SYNM: variants seen among roughly 807,000 people sequenced by gnomAD.
SYNM encodes desmuslin.
A neutral mutation model predicts 104.0 loss-of-function variants in SYNM; 95 were observed. That is an observed-to-expected ratio of 0.91 (90% confidence interval 0.77 to 1.08). SYNM has a LOEUF of 1.08. SYNM is among the 50% of genes least tolerant of loss of function. The probability of loss-of-function intolerance (pLI) is 0.00; values close to 1 mark genes in which losing one functional copy is unlikely to be tolerated. For missense variants in SYNM, 2,150 were observed against 2,052.2 expected (o/e 1.05, Z -0.92); for synonymous variants, 918 against 869.0 (o/e 1.06, Z -0.99).
chr15:99,126,465 C>T (rs577737535), intron 2 of SYNM, among the ~76,000 whole-genome samples: 2 of 152,222 alleles, frequency 1.3e-5, no homozygotes, highest in Non-Finnish European at 2.9e-5. Context: ...GTTCACTGGG[C>T]TAGTAGGGGT....
intron 3 of SYNM, among the ~76,000 whole-genome samples, chr15:99,127,259 C>G (rs148186512): frequency 6.6e-6 from 1 of 152,148 alleles, no homozygotes; most frequent in African/African-American, 2.4e-5. Context: ...TTTACACCAC[C>G]CTAGGTTGTT....
rs2292288 is a variant in SYNM, at chr15:99,132,517, A to G, written c.4157A>G (p.Glu1386Gly). Reference sequence around the variant, plus strand: ...GAATCTCCCCAGGAGGATAGTGCAGAGGACACATCAGGGGCAGAAATGACA... The same window carrying G: ...GAATCTCCCCAGGAGGATAGTGCAGGGGACACATCAGGGGCAGAAATGACA... ...VSESPQEDSAEDTSGAEMTSG... is the reference protein window; with the variant it reads ...VSESPQEDSAGDTSGAEMTSG... Residue 1386 changes from glutamate (E) to glycine (G), a missense_variant, in exon 4 of 4, where the codon GAG becomes GGG. Glu to Gly is a moderately conservative substitution (Grantham distance 98). Coordinates refer to ENST00000336292, the MANE Select transcript of SYNM (RefSeq NM_145728.3). 802,108 of 1,613,774 alleles carry G rather than the reference A, an allele frequency of 0.5. 201,801 individuals are homozygous for G. The highest frequency in any genetic ancestry group is 0.63 in the East Asian group (28,190 of 44,874).
rs183213023 is a variant in SYNM at position 99,135,378 on chromosome 15, C to T, written c.*2320C>T. 150 of 152,580 alleles carry T rather than the reference C, an allele frequency of 9.8e-4. No individual in the cohort carries two copies. The highest frequency in any genetic ancestry group is 3.5e-3 in the African/African-American group (144 of 41,492). The allele number at this position is 152,580 out of a possible 1,614,324, so 9.5% of individuals were successfully genotyped here. ...AATCAACTTCGTGGTTGGATGGGGCCGGAACACAACCAGTCTTTTTGTATT... is the reference window on the plus strand; with the variant it reads ...AATCAACTTCGTGGTTGGATGGGGCTGGAACACAACCAGTCTTTTTGTATT... On this transcript the variant is annotated 3_prime_UTR_variant, in exon 4 of 4. Transcript: ENST00000336292.
chr15:99,115,475 T>C (rs1406311668), intron 2 of SYNM, among the ~76,000 whole-genome samples: 5 of 149,338 alleles, frequency 3.3e-5, no homozygotes, highest in African/African-American at 1.2e-4. Context: ...TTCTATTTTT[T>C]TTTTTTTGAG....
At chr15:99,114,615 A>G (rs377289274) in intron 2 of SYNM, among the ~76,000 whole-genome samples, 2 of 152,058 alleles carry the variant, frequency 1.3e-5, no homozygotes, top group African/African-American at 4.8e-5. Context: ...AACTGGCTTT[A>G]TGTATCAAGA....
At position 99,130,594 on chromosome 15, in the gene SYNM, A is replaced by G. The variant is rs1252482405; in HGVS notation, c.2234A>G (p.Asn745Ser). 1 of 1,613,668 alleles carries G rather than the reference A, an allele frequency of 6.2e-7. No homozygotes were observed. Among genetic ancestry groups the G allele is most frequent in the Non-Finnish European group, 8.5e-7 (1 of 1,179,798 alleles). ...KGREGRAKVVNVEIVEEPVSY... is the reference protein window; with the variant it reads ...KGREGRAKVVSVEIVEEPVSY... ...AGGGAGGGGAGAGCAAAGGTCGTCA[A>G]CGTGGAGATCGTGGAGGAGCCCGTG... is the stretch of plus-strand genomic sequence containing the variant. The change falls in exon 4 of 4, where the codon AAC becomes AGC. Residue 745 changes from asparagine (N) to serine (S), a missense_variant. By Grantham distance (46) the Asn-to-Ser change is conservative. Coordinates refer to ENST00000336292, the MANE Select transcript of SYNM (RefSeq NM_145728.3).
At chr15:99,127,859 GA>G (rs1446742494) in intron 3 of SYNM, among the ~76,000 whole-genome samples, 1 of 152,172 alleles carries the variant, frequency 6.6e-6, no homozygotes, top group African/African-American at 2.4e-5. Context: ...AACCTAGAGA[GA>G]GGGGAGAAGG....
At chr15:99,127,594 A>G (rs1329316578) in intron 3 of SYNM, among the ~76,000 whole-genome samples, 3 of 152,152 alleles carry the variant, frequency 2.0e-5, no homozygotes, top group Non-Finnish European at 2.9e-5. Flanking sequence ...GGTTGAGAAG[A>G]ATATTTGGGT....
downstream of SYNM, chr15:99,137,774 A>G: frequency 1.7e-6 from 1 of 585,076 alleles, no homozygotes; most frequent in Non-Finnish European, 2.8e-6. Flanking sequence ...TTGGCAAGAA[A>G]AACCACTTAG....
At chr15:99,139,757 T>TA (rs1555489349), downstream of SYNM, 11 of 1,313,786 alleles carry the variant, frequency 8.4e-6, no homozygotes, top group Non-Finnish European at 1.0e-5. Flanking sequence ...GGAAAAGATT[T>TA]AAAAAAATAG....
At chr15:99,138,253 TGAGAG>T (rs2067769562), downstream of SYNM, 2 of 1,116,296 alleles carry the variant, frequency 1.8e-6, no homozygotes, top group Non-Finnish European at 2.5e-6. Flanking sequence ...GGGCTATAAA[TGAGAG>T]GAGAATTGTA....
rs2067502668 is a variant in SYNM, at chr15:99,131,246, G to A, written c.2886G>A (p.Glu962=). The change falls in exon 4 of 4, where the codon GAG becomes GAA. Residue 962 remains glutamate (E), a synonymous_variant. Transcript: ENST00000336292. The surrounding 1 kb of genome is among the most constrained non-coding windows in gnomAD (Gnocchi z 4.3). ...VIGQLEETLP[E]RMREELSALT... is the part of the protein sequence containing the mutation. ...GGCAGCTGGAGGAAACCCTTCCCGA[G>A]CGCATGAGGGAGGAGCTGTCCGCCC... 6 of 1,610,078 alleles carry A rather than the reference G, an allele frequency of 3.7e-6. No homozygotes were observed. The highest frequency in any genetic ancestry group is 5.1e-6 in the Non-Finnish European group (6 of 1,178,524).
downstream of SYNM, among the ~76,000 whole-genome samples, chr15:99,138,666 A>AGAGG (rs1435143741): frequency 6.6e-6 from 1 of 152,078 alleles, no homozygotes; most frequent in African/African-American, 2.4e-5. Context: ...GAGGCCCTCA[A>AGAGG]CCCTTAGCTG....
intron 1 of SYNM, among the ~76,000 whole-genome samples, chr15:99,110,981 G>A (rs1312142480): frequency 2.6e-5 from 4 of 152,220 alleles, no homozygotes; most frequent in African/African-American, 9.6e-5. Context: ...AGCCAGTTAA[G>A]TCTTATATTC....
chr15:99,105,736 C>G lies in SYNM; in HGVS notation c.537C>G (p.Arg179=). The G allele has an allele frequency of 6.6e-7, 1 of 1,510,580 alleles. No individual in the cohort carries two copies. The highest frequency in any genetic ancestry group is 1.2e-5 in the South Asian group (1 of 80,376). The allele number at this position is 1,510,580 out of a possible 1,614,324, so 93.6% of individuals were successfully genotyped here. A position where few individuals can be genotyped will look rare whatever the true frequency, so the allele number is the denominator to read the frequency against. ...CCGGCCCCGCCGCGCCGCCGCCACG[C>G]CTGCGGGAGGTGCACGACAGCTACG... ...RATGPAAPPP[R]LREVHDSYAL... The change falls in exon 1 of 4, where the codon CGC becomes CGG. Residue 179 remains arginine, a synonymous_variant. Coordinates refer to ENST00000336292, the MANE Select transcript of SYNM (RefSeq NM_145728.3).
Position 99,130,273 on chromosome 15 carries a change from T to A in SYNM, c.1913T>A (p.Val638Glu), listed in dbSNP as rs782258168. Reference protein sequence around the residue: ...SLQGDSMTETVAENIVTSILK... With the variant: ...SLQGDSMTETEAENIVTSILK... Reference sequence around the variant, plus strand: ...CAAGGCGATTCCATGACAGAAACCGTAGCAGAAAACATCGTTACCAGTATC... The same window carrying A: ...CAAGGCGATTCCATGACAGAAACCGAAGCAGAAAACATCGTTACCAGTATC... The change falls in exon 4 of 4, where the codon GTA (valine) becomes GAA (glutamate). Residue 638 changes from valine (V) to glutamate (E), a missense_variant. By Grantham distance (121) the Val-to-Glu change is moderately radical. Transcript: ENST00000336292. The A allele has an allele frequency of 8.7e-6, 14 of 1,613,834 alleles. No individual in the cohort carries two copies. The highest frequency in any genetic ancestry group is 1.2e-5 in the Non-Finnish European group (14 of 1,179,888).
intron 3 of SYNM, 46 bp downstream of exon 3, chr15:99,126,838 GT>G (rs2067452901): frequency 6.6e-7 from 1 of 1,511,938 alleles, no homozygotes; most frequent in Non-Finnish European, 8.9e-7. Context: ...CATCTGAACT[GT>G]TTATTCTGTG....
intron 1 of SYNM, among the ~76,000 whole-genome samples, chr15:99,112,885 AT>A (rs2067312888): frequency 6.6e-6 from 1 of 151,660 alleles, no homozygotes; most frequent in East Asian, 1.9e-4. Flanking sequence ...TATTTTTTGT[AT>A]TTTCAGTAGA....
At position 99,132,685 on chromosome 15, in the gene SYNM, C is replaced by T; in HGVS notation, c.4325C>T (p.Ala1442Val). The change falls in exon 4 of 4, where the codon GCA becomes GTA. Residue 1442 changes from alanine to valine, a missense_variant. Physicochemically the swap from Ala to Val is moderately conservative, Grantham distance 64 (BLOSUM62 0). Transcript: ENST00000336292. ...SADSPELGKL[A>V]DSSRTLRHIA... Reference sequence around the variant, plus strand: ...GACTCCCCTGAGCTAGGCAAGTTAGCAGACAGCAGCAGAACGCTAAGGCAC... The same window carrying T: ...GACTCCCCTGAGCTAGGCAAGTTAGTAGACAGCAGCAGAACGCTAAGGCAC... 2 of 1,614,004 alleles carry T rather than the reference C, an allele frequency of 1.2e-6. No homozygotes were observed. Among genetic ancestry groups the T allele is most frequent in the South Asian group, 1.1e-5 (1 of 91,076 alleles).
Sources: gnomAD v4.1 joint callset for allele counts (sites outside exome capture counted in the v4.1 genomes callset) on GRCh38, gnomAD v4.1.1 for gene constraint, Gnocchi (gnomAD v3.1) non-coding constraint, MANE v1.5 for transcripts, NCBI Gene and HGNC (gene_info 2026-07-23, HGNC 2026-07-21) for gene names.